The following SMARCAD1 variants were observed in gnomAD, a reference collection of about 807,000 sequenced individuals.
The protein encoded by SMARCAD1 is SNF2 related chromatin remodeling ATPase with DExD box 1.
A neutral mutation model predicts 127.1 loss-of-function variants in SMARCAD1; 25 were observed. The ratio of observed to expected loss-of-function variants is 0.20; its 90% CI spans 0.14 to 0.27. The LOEUF is 0.27. Among genes scored for constraint, SMARCAD1 ranks in the 10% least tolerant of loss-of-function variants. The pLI is 1.00. For synonymous variants in SMARCAD1, 400 were observed against 396.9 expected (o/e 1.01, Z -0.09); for missense variants, 807 against 1,206.0 (o/e 0.67, Z 4.90).
intron 15 of SMARCAD1, among the ~76,000 whole-genome samples, chr4:94,276,776 C>T (rs1449587069): frequency 6.6e-6 from 1 of 152,156 alleles, no homozygotes; most frequent in Non-Finnish European, 1.5e-5. Flanking sequence ...TTCATCATCT[C>T]ATAAAGGTGA....
At chr4:94,261,587 A>G (rs1750988838) in intron 9 of SMARCAD1, among the ~76,000 whole-genome samples, 1 of 152,226 alleles carries the variant, frequency 6.6e-6, no homozygotes, top group African/African-American at 2.4e-5. Context: ...TTTTATATAA[A>G]TTCATTATAA....
At chr4:94,284,277 C>T (rs1383176838) in intron 22 of SMARCAD1, among the ~76,000 whole-genome samples, 2 of 129,432 alleles carry the variant, frequency 1.5e-5, no homozygotes, top group South Asian at 2.4e-4. Context: ...CAGTGAGCCG[C>T]GATCGCACCA....
chr4:94,215,969 G>C (rs1365859768), intron 2 of SMARCAD1, among the ~76,000 whole-genome samples: 2 of 152,042 alleles, frequency 1.3e-5, no homozygotes, highest in Non-Finnish European at 2.9e-5. Flanking sequence ...TAGTCTGTTA[G>C]AACTGCTGTA....
intron 6 of SMARCAD1, chr4:94,248,554 G>A (rs986539713): frequency 1.1e-5 from 5 of 455,944 alleles, no homozygotes; most frequent in Admixed American, 7.1e-5. Context: ...GGTTTCACCA[G>A]TATGTCTTAT....
chr4:94,208,320 T>C (rs754795964), intron 1 of SMARCAD1, 26 bp from the exon 2 acceptor site: 2 of 1,500,606 alleles, frequency 1.3e-6, no homozygotes, highest in East Asian at 2.3e-5. Flanking sequence ...ATGGCCTTTT[T>C]TCCTCTCTTT....
Position 94,256,643 on chromosome 4 carries a change from G to A in SMARCAD1, c.1281+3636G>A, listed in dbSNP as rs369483731. ...CTCTCCAAGTGCCGGGGTTACAGGC[G>A]TGAGCCACTGCATCTGGTCCTTTGC... On this transcript the variant is annotated intron_variant, in intron 9 of 23. Coordinates refer to ENST00000354268, the MANE Select transcript of SMARCAD1 (RefSeq NM_020159.5). Among the ~76,000 whole-genome samples, 119 of 152,300 alleles carry A rather than the reference G, an allele frequency of 7.8e-4. 4 individuals are homozygous for A. Among genetic ancestry groups the A allele is most frequent in the Middle Eastern group, 3.4e-3 (1 of 294 alleles).
At chr4:94,214,310 T>G (rs1381338728) in intron 2 of SMARCAD1, among the ~76,000 whole-genome samples, 4 of 149,824 alleles carry the variant, frequency 2.7e-5, no homozygotes, top group Non-Finnish European at 5.9e-5. Context: ...TCACCCAGGC[T>G]GGAGTGCAGT....
chr4:94,228,307 G>A lies in SMARCAD1; in HGVS notation c.368+2011G>A, dbSNP rs566947492. ...AGTCTTTTCAGAATTACCCTTGTTA[G>A]CATTTTCCCACAATTGCATTATCAC... On this transcript the variant is annotated intron_variant, in intron 3 of 23. Coordinates refer to ENST00000354268, the MANE Select transcript of SMARCAD1 (RefSeq NM_020159.5). Among the ~76,000 whole-genome samples the A allele has an allele frequency of 2.0e-5, 3 of 152,174 alleles. No homozygotes were observed. In the South Asian group the frequency reaches 6.2e-4, roughly 32 times the overall value.
At chr4:94,281,337 A>G (rs1753994839) in intron 20 of SMARCAD1, 135 bp from the exon 21 acceptor site, 3 of 728,852 alleles carry the variant, frequency 4.1e-6, no homozygotes, top group Non-Finnish European at 7.4e-6. Flanking sequence ...GTATTAAAGA[A>G]GCAGTTTATC....
chr4:94,226,383 C>A, intron 3 of SMARCAD1, 87 bp downstream of exon 3: 54 of 922,438 alleles, frequency 5.9e-5, no homozygotes, highest in Non-Finnish European at 7.8e-5. Flanking sequence ...ATTTTGGTGA[C>A]TTCCCTTTTT....
intron 3 of SMARCAD1, among the ~76,000 whole-genome samples, chr4:94,229,810 T>G (rs1745559585): frequency 6.6e-6 from 1 of 151,690 alleles, no homozygotes; most frequent in African/African-American, 2.4e-5. Flanking sequence ...TGTTTTTTTT[T>G]TTTTAATCAT....
intron 3 of SMARCAD1, among the ~76,000 whole-genome samples, chr4:94,229,050 A>C (rs2125843777): frequency 6.6e-6 from 1 of 152,170 alleles, no homozygotes; most frequent in African/African-American, 2.4e-5. Flanking sequence ...GTGTCAGGAG[A>C]CACATGATAT....
chr4:94,209,353 G>A (rs1347566101), intron 2 of SMARCAD1, among the ~76,000 whole-genome samples: 1 of 152,204 alleles, frequency 6.6e-6, no homozygotes, highest in Non-Finnish European at 1.5e-5. Flanking sequence ...GATTCAGAGA[G>A]GTTATTAGGA....
chr4:94,284,856 G>C (rs1179380015), intron 22 of SMARCAD1, 104 bp from the exon 23 acceptor site: 1 of 739,996 alleles, frequency 1.4e-6, no homozygotes, highest in African/African-American at 1.8e-5. Context: ...GGATATGTTT[G>C]TCGTAATTTT....
intron 21 of SMARCAD1, among the ~76,000 whole-genome samples, chr4:94,282,779 C>T (rs1754295509): frequency 6.6e-6 from 1 of 151,788 alleles, no homozygotes; most frequent in African/African-American, 2.4e-5. Context: ...TGTTGTCTGC[C>T]AGTAGGAGCC....
At chr4:94,208,855 C>T (rs1741699885) in intron 2 of SMARCAD1, among the ~76,000 whole-genome samples, 1 of 152,138 alleles carries the variant, frequency 6.6e-6, no homozygotes, top group South Asian at 2.1e-4. Context: ...TAGGTCAGAA[C>T]GGTTGCTATT....
At chr4:94,251,012 T>C (rs1392337104) in intron 8 of SMARCAD1, among the ~76,000 whole-genome samples, 179 bp downstream of exon 8, 2 of 152,224 alleles carry the variant, frequency 1.3e-5, no homozygotes, top group Middle Eastern at 3.2e-3. Flanking sequence ...TGTTTTGACC[T>C]GCCTGTTCTT....
rs779426146 is a variant in SMARCAD1, at chr4:94,212,550, A to G, written c.190+3966A>G. ...TACCTAGGCTGGAGTGCAGTGGCAC[A>G]ATCTCGGCTCACTGCAACCTCTGCC... On this transcript the variant is annotated intron_variant, in intron 2 of 23. Transcript: ENST00000354268. 4.3e-4 allele frequency among the ~76,000 whole-genome samples: 65 copies of G among 151,640 alleles called. 1 individual carries two copies. Among genetic ancestry groups the G allele is most frequent in the Admixed American group, 1.3e-4 (2 of 15,224 alleles).
intron 4 of SMARCAD1, among the ~76,000 whole-genome samples, chr4:94,235,380 A>G (rs138892699): frequency 1.2e-4 from 18 of 151,878 alleles, no homozygotes; most frequent in African/African-American, 4.3e-4. Flanking sequence ...TTTTAATGCT[A>G]ACTAATTTAA....
Sources: gnomAD v4.1 joint callset for allele counts (sites outside exome capture counted in the v4.1 genomes callset) on GRCh38, gnomAD v4.1.1 for gene constraint, MANE v1.5 for transcripts, NCBI Gene and HGNC (gene_info 2026-07-23, HGNC 2026-07-21) for gene names.